PNPLA8: variants seen among roughly 807,000 people sequenced by gnomAD.
PNPLA8 encodes the protein calcium-independent phospholipase A2-gamma.
A neutral mutation model predicts 76.9 loss-of-function variants in PNPLA8; 39 were observed. The ratio of observed to expected loss-of-function variants is 0.51; its 90% CI spans 0.39 to 0.66. The LOEUF is 0.66. Ranked by LOEUF, PNPLA8 falls within the 30% of genes least tolerant of loss-of-function variation. The pLI, the probability that PNPLA8 is intolerant of heterozygous loss-of-function variation, is 0.00. For missense variants in PNPLA8, 887 were observed against 918.0 expected (o/e 0.97, Z 0.44); for synonymous variants, 301 against 307.9 (o/e 0.98, Z 0.24).
chr7:108,477,674 A>G (rs1860095936), intron 10 of PNPLA8, among the ~76,000 whole-genome samples: 1 of 152,192 alleles, frequency 6.6e-6, no homozygotes, highest in Non-Finnish European at 1.5e-5. Context: ...AGCCTGGGCA[A>G]CACAGGGAGA....
intron 1 of PNPLA8, among the ~76,000 whole-genome samples, chr7:108,525,616 G>T (rs78580637): frequency 0.013 from 1,987 of 152,316 alleles, 19 homozygotes; most frequent in Middle Eastern, 0.031. Context: ...AGAATCACCA[G>T]GTGCACACTG....
At position 108,515,428 on chromosome 7, in the gene PNPLA8, C is replaced by T. The variant is rs781135783; in HGVS notation, c.64G>A (p.Gly22Arg). The T allele has an allele frequency of 1.2e-6, 2 of 1,607,568 alleles. No homozygotes were observed. The highest frequency in any genetic ancestry group is 1.7e-5 in the Admixed American group (1 of 58,670). Reference protein sequence around the residue: ...YLLSNARSVCGKQRSKQLYFL... With the variant: ...YLLSNARSVCRKQRSKQLYFL... ...TACAGTTGCTTGCTTCTCTGCTTCCCACAAACACTTCTTGCATTACTAAGG... is the reference window on the plus strand; with the variant it reads ...TACAGTTGCTTGCTTCTCTGCTTCCTACAAACACTTCTTGCATTACTAAGG... The change falls in exon 3 of 11, where the codon GGG (glycine) becomes AGG (arginine). Residue 22 changes from glycine (G) to arginine (R), a missense_variant. Gly to Arg is a moderately radical substitution (Grantham distance 125). Coordinates refer to ENST00000257694, the MANE Select transcript of PNPLA8 (RefSeq NM_001256007.3).
intron 2 of PNPLA8, among the ~76,000 whole-genome samples, chr7:108,517,567 A>G (rs1415670827): frequency 1.3e-5 from 2 of 152,254 alleles, no homozygotes; most frequent in Non-Finnish European, 2.9e-5. Flanking sequence ...TATGTGCCAC[A>G]GACAGACAAT....
chr7:108,481,314 C>T (rs968160443), intron 9 of PNPLA8, among the ~76,000 whole-genome samples: 5 of 152,186 alleles, frequency 3.3e-5, no homozygotes, highest in African/African-American at 7.2e-5. Flanking sequence ...GTCCATTTTG[C>T]GTTCCCACCA....
chr7:108,503,064 A>G (rs1047878254), intron 4 of PNPLA8, among the ~76,000 whole-genome samples: 1 of 152,258 alleles, frequency 6.6e-6, no homozygotes, highest in Non-Finnish European at 1.5e-5. Context: ...ACCATCTTGT[A>G]TACATTGCAT....
At chr7:108,501,604 C>T (rs993388088) in intron 5 of PNPLA8, among the ~76,000 whole-genome samples, 2 of 152,126 alleles carry the variant, frequency 1.3e-5, no homozygotes, top group African/African-American at 4.8e-5. Flanking sequence ...AGGTGGTTTA[C>T]CTGAGGTCAG....
At chr7:108,505,190 T>G (rs1862253416) in intron 4 of PNPLA8, among the ~76,000 whole-genome samples, 1 of 149,426 alleles carries the variant, frequency 6.7e-6, no homozygotes, top group South Asian at 2.1e-4. Context: ...AGTGTATTTT[T>G]TAAAAGTCAG....
chr7:108,515,982 T>C (rs1363244802), intron 2 of PNPLA8, among the ~76,000 whole-genome samples: 1 of 152,240 alleles, frequency 6.6e-6, no homozygotes, highest in Non-Finnish European at 1.5e-5. Flanking sequence ...ACATTATTCA[T>C]TGCAAACGAT....
intron 8 of PNPLA8, among the ~76,000 whole-genome samples, chr7:108,488,405 C>T (rs1860904680): frequency 1.3e-5 from 2 of 152,142 alleles, no homozygotes; most frequent in Non-Finnish European, 2.9e-5. Context: ...AATGGTGAAA[C>T]CCCAACTCAA....
Position 108,503,133 on chromosome 7 carries a change from G to C in PNPLA8, c.1207-491C>G, listed in dbSNP as rs1862088211. Among the ~76,000 whole-genome samples, 3 of 152,134 alleles carry C rather than the reference G, an allele frequency of 2.0e-5. No individual in the cohort carries two copies. The East Asian group carries it at 5.8e-4, about 29-fold the overall frequency. On this transcript the variant is annotated intron_variant, in intron 4 of 10. Coordinates refer to ENST00000257694, the MANE Select transcript of PNPLA8 (RefSeq NM_001256007.3). ...AACAAATGTTAACAAAGGTAACTGA[G>C]GTGAGAAGGTAAAAGCAGGCCACTA...
Position 108,479,342 on chromosome 7 carries a change from G to C in PNPLA8, c.1916C>G (p.Ala639Gly). 6.2e-7 allele frequency: 1 copy of C among 1,613,554 alleles called. No homozygotes were observed. The highest frequency in any genetic ancestry group is 1.1e-5 in the South Asian group (1 of 91,000). The change falls in exon 10 of 11, where the codon GCT (alanine) becomes GGT (glycine). Residue 639 changes from alanine to glycine, a missense_variant. Physicochemically the swap from Ala to Gly is moderately conservative, Grantham distance 60 (BLOSUM62 0). Coordinates refer to ENST00000257694, the MANE Select transcript of PNPLA8 (RefSeq NM_001256007.3). The part of the protein sequence containing the change: ...GLLLNNPSAL[A>G]MHECKCLWPD... ...CCAAAGACATTTACACTCATGCATA[G>C]CTAATGCCGAAGGGTTATTCAGAAG...
chr7:108,502,667 G>GT, intron 4 of PNPLA8, 25 bp from the exon 5 acceptor site: 6 of 1,572,844 alleles, frequency 3.8e-6, no homozygotes, highest in Non-Finnish European at 5.2e-6. Flanking sequence ...AAGATACTTT[G>GT]TTGCTTTTGT....
chr7:108,502,162 G>T (rs1861997174), intron 5 of PNPLA8, among the ~76,000 whole-genome samples: 1 of 151,264 alleles, frequency 6.6e-6, no homozygotes, highest in South Asian at 2.1e-4. Context: ...TCATGTTCCA[G>T]CTGGGCGCAG....
At chr7:108,473,301 A>G (rs1008315658) in intron 10 of PNPLA8, among the ~76,000 whole-genome samples, 1 of 152,198 alleles carries the variant, frequency 6.6e-6, no homozygotes, top group African/African-American at 2.4e-5. Context: ...GTATAGATAC[A>G]ACACAATTTG....
intron 1 of PNPLA8, among the ~76,000 whole-genome samples, chr7:108,525,808 A>G (rs1478781749): frequency 1.3e-5 from 2 of 152,188 alleles, no homozygotes; most frequent in Admixed American, 1.3e-4. Context: ...CTTCTGGGGC[A>G]GCAAAGCCCA....
Position 108,521,266 on chromosome 7 carries a change from C to G in PNPLA8, c.-84+210G>C, listed in dbSNP as rs187850798. Reference sequence around the variant, plus strand: ...GAACTGTACCAAGAATAAACAAGGACAGCAAAATCTTAGAAATGAAAACTC... The same window carrying G: ...GAACTGTACCAAGAATAAACAAGGAGAGCAAAATCTTAGAAATGAAAACTC... On this transcript the variant is annotated intron_variant, in intron 2 of 10. Transcript: ENST00000257694. 1.2e-3 allele frequency among the ~76,000 whole-genome samples: 182 copies of G among 152,206 alleles called. 1 individual carries two copies. Among genetic ancestry groups the G allele is most frequent in the African/African-American group, 4.2e-3 (176 of 41,520 alleles).
intron 4 of PNPLA8, 127 bp from the exon 5 acceptor site, chr7:108,502,769 G>A: frequency 3.4e-6 from 2 of 587,670 alleles, no homozygotes; most frequent in Non-Finnish European, 5.8e-6. Flanking sequence ...TACTTTCTCA[G>A]TAATCTTATA....
At chr7:108,476,254 G>GT (rs1859984734) in intron 10 of PNPLA8, among the ~76,000 whole-genome samples, 1 of 152,096 alleles carries the variant, frequency 6.6e-6, no homozygotes, top group Admixed American at 6.6e-5. Flanking sequence ...TGGAGTGCAG[G>GT]TACACTGAGG....
rs1255269404 is a variant in PNPLA8, at chr7:108,510,399, A to G, written c.1206+3745T>C. On this transcript the variant is annotated intron_variant, in intron 4 of 10. Transcript: ENST00000257694. ...CTTATCTATGAAAAAGCAAAGCACT[A>G]TCACAGGGAATATAGGCAGATGTAC... 1.5e-5 allele frequency: 23 copies of G among 1,537,056 alleles called. No individual in the cohort carries two copies. The Admixed American group carries it at 1.8e-4, about 12-fold the overall frequency.
Sources: gnomAD v4.1 joint callset for allele counts (sites outside exome capture counted in the v4.1 genomes callset) on GRCh38, gnomAD v4.1.1 for gene constraint, MANE v1.5 for transcripts, NCBI Gene and HGNC (gene_info 2026-07-23, HGNC 2026-07-21) for gene names.